The following PNPLA7 variants were observed in gnomAD, a reference collection of about 807,000 sequenced individuals.
PNPLA7 encodes patatin-like phospholipase domain-containing protein 7.
PNPLA7 carries 153 observed loss-of-function variants against 161.7 expected under a neutral mutation model. The observed-to-expected ratio is 0.95, with a 90% confidence interval of 0.83 to 1.08. The LOEUF is 1.08. PNPLA7 is among the 50% of genes least tolerant of loss of function. The pLI, the probability that PNPLA7 is intolerant of heterozygous loss-of-function variation, is 0.00. For missense variants in PNPLA7, 1,739 were observed against 1,856.6 expected, an observed-to-expected ratio of 0.94 and a Z score of 1.16; for synonymous variants, 809 against 782.1, an observed-to-expected ratio of 1.03 and a Z score of -0.57.
intron 20 of PNPLA7, chr9:137,492,022 G>C: frequency 1.0e-6 from 1 of 985,412 alleles, no homozygotes; most frequent in South Asian, 4.7e-5. Flanking sequence ...CAGAAGGCAG[G>C]AGAGAGGAGC....
chr9:137,547,869 G>T lies in PNPLA7; in HGVS notation c.31-210C>A, dbSNP rs1411094666. ...GCAACCTGGCTCCCTCAGTCACTGG[G>T]ATACAGTGGGGCAGGGCCAGCGGCT... On this transcript the variant is annotated intron_variant, in intron 1 of 34. Coordinates refer to ENST00000406427, the MANE Select transcript of PNPLA7 (RefSeq NM_001098537.3). The surrounding 1 kb of genome is among the most constrained non-coding windows in gnomAD (Gnocchi z 4.6). Among the ~76,000 whole-genome samples, 1 of 152,168 alleles carries T rather than the reference G, an allele frequency of 6.6e-6. No individual in the cohort carries two copies. The highest frequency in any genetic ancestry group is 6.5e-5 in the Admixed American group (1 of 15,288).
rs983009254 is a variant in PNPLA7 at position 137,500,032 on chromosome 9, C to T, written c.1757+659G>A. Among the ~76,000 whole-genome samples, 3 of 152,264 alleles carry T rather than the reference C, an allele frequency of 2.0e-5. No individual in the cohort carries two copies. Among genetic ancestry groups the T allele is most frequent in the Non-Finnish European group, 2.9e-5 (2 of 68,050 alleles). ...CCTGACAGAGCAGAATGCCCAGTGC[C>T]GTGGATGCAAAGACGTGGCGGCTCT... On this transcript the variant is annotated intron_variant, in intron 16 of 34. Transcript: ENST00000406427. This position sits in a 1 kb window ranked among gnomAD's most constrained non-coding sequence, Gnocchi z 5.5.
At chr9:137,511,805 C>T (rs1011437426) in intron 12 of PNPLA7, among the ~76,000 whole-genome samples, 4 of 152,312 alleles carry the variant, frequency 2.6e-5, no homozygotes, top group East Asian at 1.9e-4. Context: ...GCAGAATTAG[C>T]GAAAGTATTA....
In PNPLA7 at chr9:137,505,591, A is replaced by C. The variant is rs1833871244; in HGVS notation, c.1473+23T>G. Reference sequence around the variant, plus strand: ...ACGGGCCCTGGGTGGGACAAGGGCCAGGTGCCCGCCGGGGCCACTCACTTC... The same window carrying C: ...ACGGGCCCTGGGTGGGACAAGGGCCCGGTGCCCGCCGGGGCCACTCACTTC... On this transcript the variant is annotated intron_variant, in intron 14 of 34. Coordinates refer to ENST00000406427, the MANE Select transcript of PNPLA7 (RefSeq NM_001098537.3). The C allele has an allele frequency of 1.9e-6, 3 of 1,612,386 alleles. No homozygotes were observed. In the East Asian group the frequency reaches 6.7e-5, roughly 36 times the overall value.
rs1833307133 is a variant in PNPLA7, at chr9:137,500,222, C to CCCCGAGCCAGAGACGCGTCCTCA, written c.1757+446_1757+468dup. ...GGGACACACGTCAGTGGGGCTCCTC[C>CCCCGAGCCAGAGACGCGTCCTCA]CCCGAGCCAGAGACGCGTCCTCACC... On this transcript the variant is annotated intron_variant, in intron 16 of 34. Transcript: ENST00000406427. The surrounding 1 kb of genome is among the most constrained non-coding windows in gnomAD (Gnocchi z 5.5). Among the ~76,000 whole-genome samples, 1 of 152,260 alleles carries CCCCGAGCCAGAGACGCGTCCTCA rather than the reference C, an allele frequency of 6.6e-6. No individual in the cohort carries two copies. Among genetic ancestry groups the CCCCGAGCCAGAGACGCGTCCTCA allele is most frequent in the Non-Finnish European group, 1.5e-5 (1 of 68,042 alleles).
chr9:137,526,960 G>C (rs969114810), intron 8 of PNPLA7, among the ~76,000 whole-genome samples: 7 of 151,972 alleles, frequency 4.6e-5, no homozygotes, highest in Admixed American at 1.3e-4. Context: ...ATACGATGCT[G>C]AACAGGAGTG....
intron 21 of PNPLA7, among the ~76,000 whole-genome samples, chr9:137,483,933 TTTATTA>T (rs1233500243): frequency 1.3e-5 from 2 of 151,904 alleles, no homozygotes; most frequent in Non-Finnish European, 2.9e-5. Context: ...ATTCATTGCA[TTTATTA>T]TTATTATTAT....
In PNPLA7 at chr9:137,545,304, G is replaced by A. The variant is rs115855446; in HGVS notation, c.274-1489C>T. On this transcript the variant is annotated intron_variant, in intron 4 of 34. Coordinates refer to ENST00000406427, the MANE Select transcript of PNPLA7 (RefSeq NM_001098537.3). ...TAGAGCACACATGCCGGTAACCAGG[G>A]AACTCAGCCCCTCAAATCCCAGGGG... 9.6e-3 allele frequency among the ~76,000 whole-genome samples: 1,466 copies of A among 152,186 alleles called. 28 individuals carry two copies. The highest frequency in any genetic ancestry group is 0.034 in the African/African-American group (1,402 of 41,506).
rs377518941 is a variant in PNPLA7 at position 137,479,130 on chromosome 9, G to A, written c.2689C>T (p.Arg897Trp). The stretch of plus-strand genomic sequence containing the variant: ...TGCAGGTGGCCGGAGCACCAGCTCC[G>A]CATGTTGAGCCACTCCACGGTGCGC... ...PARTVEWLNM[R>W]SWCSGHLHLC... Residue 897 changes from arginine to tryptophan, a missense_variant, in exon 24 of 35, where the codon CGG (arginine) becomes TGG (tryptophan). Physicochemically the swap from Arg to Trp is moderately radical, Grantham distance 101. Transcript: ENST00000406427. The A allele has an allele frequency of 8.8e-6, 14 of 1,595,132 alleles. No homozygotes were observed. The highest frequency in any genetic ancestry group is 8.0e-5 in the African/African-American group (6 of 74,620).
intron 12 of PNPLA7, among the ~76,000 whole-genome samples, chr9:137,510,693 C>G (rs746390182): frequency 5.9e-5 from 9 of 152,180 alleles, no homozygotes; most frequent in Non-Finnish European, 8.8e-5. Flanking sequence ...ATCTCTTTGT[C>G]TTGTGTCTTT....
At position 137,550,300 on chromosome 9, in the gene PNPLA7, G is replaced by C. The variant is rs1210901530; in HGVS notation, c.-103C>G. 10 of 1,302,114 alleles carry C rather than the reference G, an allele frequency of 7.7e-6. No homozygotes were observed. Among genetic ancestry groups the C allele is most frequent in the Non-Finnish European group, 1.1e-5 (10 of 901,058 alleles). 80.7% of individuals were successfully genotyped at this position (1,302,114 alleles called of 1,614,324 possible). On this transcript the variant is annotated 5_prime_UTR_variant, in exon 1 of 35. Transcript: ENST00000406427. The stretch of plus-strand genomic sequence containing the variant: ...TGCTCACACCTGGACACTTTTCCCT[G>C]GGTTCCTTTCAAGTCAAATTATGTT...
intron 6 of PNPLA7, 55 bp from the exon 7 acceptor site, chr9:137,542,856 C>G (rs1836284135): frequency 2.6e-6 from 4 of 1,562,228 alleles, no homozygotes; most frequent in Non-Finnish European, 2.6e-6. Context: ...AGGACGGCCT[C>G]TCCAAGAGTC....
At position 137,540,271 on chromosome 9, in the gene PNPLA7, C is replaced by T. The variant is rs191154737; in HGVS notation, c.747+371G>A. On this transcript the variant is annotated intron_variant, in intron 8 of 34. Coordinates refer to ENST00000406427, the MANE Select transcript of PNPLA7 (RefSeq NM_001098537.3). This position sits in a 1 kb window ranked among gnomAD's most constrained non-coding sequence, Gnocchi z 5.1. ...GCCAGCAGGGAAGAGCCCAGCAGGACCTGCAGGAAACGGGGGTGGCTGGTC... is the reference window on the plus strand; with the variant it reads ...GCCAGCAGGGAAGAGCCCAGCAGGATCTGCAGGAAACGGGGGTGGCTGGTC... Among the ~76,000 whole-genome samples, 15 of 152,314 alleles carry T rather than the reference C, an allele frequency of 9.8e-5. No homozygotes were observed. In the East Asian group the frequency reaches 2.9e-3, roughly 29 times the overall value.
chr9:137,462,310 G>C lies in PNPLA7; in HGVS notation c.3514C>G (p.Gln1172Glu), dbSNP rs1056793836. 6.2e-7 allele frequency: 1 copy of C among 1,608,406 alleles called. No individual in the cohort carries two copies. The highest frequency in any genetic ancestry group is 8.5e-7 in the Non-Finnish European group (1 of 1,177,290). The part of the protein sequence containing the change: ...KVKVLNMAEI[Q>E]TRLAYVCCVR... ...CAACACACGTAGGCCAGGCGCGTCT[G>C]AATCTCTGCCATGTTCAACACCTGC... The change falls in exon 31 of 35, where the codon CAG becomes GAG. Residue 1172 changes from glutamine to glutamate, a missense_variant. Gln to Glu is a conservative substitution (Grantham distance 29). Transcript: ENST00000406427.
intron 1 of PNPLA7, among the ~76,000 whole-genome samples, chr9:137,549,220 C>G (rs922882802): frequency 6.6e-6 from 1 of 152,092 alleles, no homozygotes; most frequent in Non-Finnish European, 1.5e-5. Flanking sequence ...CAGTGTCTCA[C>G]GCCTGTAATC....
chr9:137,460,456 C>T lies in PNPLA7; in HGVS notation c.3966G>A (p.Arg1322=). ...GSDLEDESSL[R]HRHPSLAFPK... is the part of the protein sequence containing the mutation. ...GGAAAGCCAGACTGGGGTGTCGATG[C>T]CGCAGTGAGGACTCGTCCTCCTGCA... Residue 1322 remains arginine (R), a synonymous_variant, in exon 35 of 35, where the codon CGG becomes CGA. Coordinates refer to ENST00000406427, the MANE Select transcript of PNPLA7 (RefSeq NM_001098537.3). The T allele has an allele frequency of 6.2e-7, 1 of 1,612,658 alleles. No homozygotes were observed. The highest frequency in any genetic ancestry group is 1.3e-5 in the African/African-American group (1 of 75,046).
intron 14 of PNPLA7, among the ~76,000 whole-genome samples, chr9:137,503,720 G>A (rs1470717500): frequency 3.6e-5 from 5 of 139,430 alleles, no homozygotes; most frequent in African/African-American, 8.4e-5. Flanking sequence ...GAGGAGAAAG[G>A]GAAGAAAGGG....
Position 137,500,911 on chromosome 9 carries a change from G to A in PNPLA7, c.1552-15C>T. The A allele has an allele frequency of 6.5e-7, 1 of 1,549,768 alleles. No homozygotes were observed. Among genetic ancestry groups the A allele is most frequent in the Non-Finnish European group, 8.7e-7 (1 of 1,151,530 alleles). The stretch of plus-strand genomic sequence containing the variant: ...ATGCTGGCGTCCTGACACACGAGAG[G>A]GCTCAGGAGGCGCCGCGAGTGGCCG... On this transcript the variant is annotated splice_polypyrimidine_tract_variant and intron_variant, in intron 15 of 34. Transcript: ENST00000406427. The surrounding 1 kb of genome is among the most constrained non-coding windows in gnomAD (Gnocchi z 5.5).
intron 29 of PNPLA7, 191 bp downstream of exon 29, chr9:137,463,224 C>T (rs1484847574): frequency 8.2e-6 from 5 of 607,030 alleles, no homozygotes; most frequent in African/African-American, 3.7e-5. Flanking sequence ...CCGGTGCCTG[C>T]GTGTGCATGT....
Sources: allele counts gnomAD v4.1 joint callset (sites outside exome capture counted in the v4.1 genomes callset), GRCh38; gene constraint gnomAD v4.1.1; non-coding constraint Gnocchi (gnomAD v3.1); transcripts MANE v1.5; gene names NCBI Gene and HGNC (gene_info 2026-07-23, HGNC 2026-07-21).